The following PPFIA1 variants were observed in gnomAD, a reference collection of about 807,000 sequenced individuals.
PPFIA1 encodes liprin-alpha-1.
Under a neutral mutation model 149.9 loss-of-function variants are expected in PPFIA1, and 25 were observed. The observed-to-expected ratio is 0.17, with a 90% CI of 0.12 to 0.23. The LOEUF is 0.23. Ranked by LOEUF, PPFIA1 falls within the 10% of genes least tolerant of loss-of-function variation. The pLI, the probability that PPFIA1 is intolerant of heterozygous loss-of-function variation, is 1.00. For synonymous variants in PPFIA1, 549 were observed against 552.8 expected (o/e 0.99, Z 0.10); for missense variants, 1,362 against 1,506.5 (o/e 0.90, Z 1.59).
chr11:70,333,357 A>G lies in PPFIA1; in HGVS notation c.1213-113A>G, dbSNP rs866389574. 28 of 787,294 alleles carry G rather than the reference A, an allele frequency of 3.6e-5. 1 individual carries two copies. The Middle Eastern group carries it at 4.1e-3, about 114-fold the overall frequency. 48.8% of individuals were successfully genotyped at this position (787,294 alleles called of 1,614,324 possible). On this transcript the variant is annotated intron_variant, in intron 9 of 27. Coordinates refer to ENST00000253925, the MANE Select transcript of PPFIA1 (RefSeq NM_003626.5). ...GATGAGTACATGCTTTCCATTTAGT[A>G]TGGCGGAGCAGCCCACGCAGAGCAT...
intron 2 of PPFIA1, among the ~76,000 whole-genome samples, chr11:70,313,704 G>A (rs544291915): frequency 6.6e-6 from 1 of 152,282 alleles, no homozygotes; most frequent in South Asian, 2.1e-4. Flanking sequence ...TGGGAGCTTG[G>A]GCAGGAAGAT....
intron 9 of PPFIA1, 73 bp from the exon 10 acceptor site, chr11:70,333,397 C>T: frequency 8.4e-7 from 1 of 1,187,482 alleles, no homozygotes; most frequent in Non-Finnish European, 1.2e-6. Context: ...TGCCTGTTGC[C>T]ACTGCAGTGG....
chr11:70,323,740 C>T (rs1182903026), intron 2 of PPFIA1, among the ~76,000 whole-genome samples: 1 of 152,204 alleles, frequency 6.6e-6, no homozygotes, highest in Non-Finnish European at 1.5e-5. Flanking sequence ...TGGGAGCAAG[C>T]AGGTCAGTGG....
chr11:70,378,399 C>A, intron 26 of PPFIA1: 1 of 1,288,186 alleles, frequency 7.8e-7, no homozygotes, highest in Middle Eastern at 3.0e-4. Flanking sequence ...TTTTAAAACA[C>A]GCTTGTCTGG....
Position 70,272,228 on chromosome 11 carries a change from G to A in PPFIA1, c.56G>A (p.Gly19Asp), listed in dbSNP as rs778985978. The stretch of plus-strand genomic sequence containing the variant: ...GAAGCAGAAGGCCCCCCTGGAGGAG[G>A]TGGAGGCCATGGTTCCGGCTCCCCT... Reference protein sequence around the residue: ...ISEAEGPPGGGGGHGSGSPSQ... With the variant: ...ISEAEGPPGGDGGHGSGSPSQ... The change falls in exon 2 of 28, where the codon GGT (glycine) becomes GAT (aspartate). Residue 19 changes from glycine (G) to aspartate (D), a missense_variant. Physicochemically the swap from Gly to Asp is moderately conservative, Grantham distance 94. This residue lies in a region of PPFIA1 where 100 missense variants were observed against 106.2 expected (regional missense o/e 0.94). Transcript: ENST00000253925. The A allele has an allele frequency of 2.5e-6, 4 of 1,613,956 alleles. No individual in the cohort carries two copies. In the African/African-American group the frequency reaches 5.3e-5, roughly 22 times the overall value.
chr11:70,356,313 A>G (rs2056360051), intron 19 of PPFIA1, 59 bp downstream of exon 19: 9 of 1,307,888 alleles, frequency 6.9e-6, no homozygotes, highest in Non-Finnish European at 9.9e-6. Flanking sequence ...CCTAAGCTCT[A>G]ACTAGTGTTT....
At chr11:70,327,017 C>T in intron 7 of PPFIA1, 199 bp downstream of exon 7, 1 of 560,726 alleles carries the variant, frequency 1.8e-6, no homozygotes, top group Non-Finnish European at 3.1e-6. Flanking sequence ...GTGAAATCTC[C>T]TGTCCCTGAG....
chr11:70,301,617 C>T (rs1327977245), intron 2 of PPFIA1, among the ~76,000 whole-genome samples: 1 of 152,144 alleles, frequency 6.6e-6, no homozygotes. Flanking sequence ...TAGCATATAG[C>T]ACCTTAGAAA....
At chr11:70,333,299 C>G (rs933060005) in intron 9 of PPFIA1, among the ~76,000 whole-genome samples, 171 bp from the exon 10 acceptor site, 6 of 152,176 alleles carry the variant, frequency 3.9e-5, no homozygotes, top group Non-Finnish European at 8.8e-5. Context: ...ACCTCATGGC[C>G]CAGCACGTGA....
chr11:70,278,664 G>C (rs775131899), intron 2 of PPFIA1, among the ~76,000 whole-genome samples: 25 of 152,190 alleles, frequency 1.6e-4, no homozygotes, highest in Non-Finnish European at 5.9e-5. Flanking sequence ...TTTGAAAACA[G>C]TCAACTCAAT....
intron 10 of PPFIA1, 50 bp from the exon 11 acceptor site, chr11:70,335,513 T>C: frequency 6.3e-7 from 1 of 1,597,530 alleles, no homozygotes; most frequent in South Asian, 1.1e-5. Context: ...TTTAAAATAA[T>C]GATCGAGGAT....
At chr11:70,365,892 C>G (rs1460919754) in intron 21 of PPFIA1, 2 of 454,680 alleles carry the variant, frequency 4.4e-6, no homozygotes, top group African/African-American at 4.0e-5. Context: ...ACCGAGCTCA[C>G]CAATACTAAT....
Position 70,384,191 on chromosome 11 carries a change from G to GA in PPFIA1, c.*1202dup, listed in dbSNP as rs2057802366. Reference sequence around the variant, plus strand: ...TGGTATTTATTGTGCAGCAGATCCAGAGACAGAGGCAGCCTGTCTTTTCAG... The same window carrying GA: ...TGGTATTTATTGTGCAGCAGATCCAGAAGACAGAGGCAGCCTGTCTTTTCAG... On this transcript the variant is annotated 3_prime_UTR_variant, in exon 28 of 28. Transcript: ENST00000253925. 6.6e-6 allele frequency: 1 copy of GA among 152,262 alleles called. No homozygotes were observed. Among genetic ancestry groups the GA allele is most frequent in the South Asian group, 2.1e-4 (1 of 4,832 alleles). The allele number at this position is 152,262 out of a possible 1,614,324, so 9.4% of individuals were successfully genotyped here.
At chr11:70,330,106 CTT>C (rs1214302616) in intron 7 of PPFIA1, 65 bp from the exon 8 acceptor site, 22 of 1,409,484 alleles carry the variant, frequency 1.6e-5, no homozygotes, top group East Asian at 2.4e-5. Context: ...TTTTTTCTCT[CTT>C]AAGTATCTTA....
At chr11:70,316,545 G>A (rs1418063475) in intron 2 of PPFIA1, among the ~76,000 whole-genome samples, 1 of 152,216 alleles carries the variant, frequency 6.6e-6, no homozygotes, top group Non-Finnish European at 1.5e-5. Flanking sequence ...TAAAGAAAAC[G>A]GGAAGAGGAA....
intron 19 of PPFIA1, among the ~76,000 whole-genome samples, chr11:70,356,705 T>A (rs1452748085): frequency 6.6e-6 from 1 of 152,240 alleles, no homozygotes; most frequent in Non-Finnish European, 1.5e-5. Flanking sequence ...CAGCAAGTCA[T>A]AAACAAGTTG....
chr11:70,318,920 C>A (rs571369431), intron 2 of PPFIA1, among the ~76,000 whole-genome samples: 2 of 152,310 alleles, frequency 1.3e-5, no homozygotes, highest in Non-Finnish European at 2.9e-5. Context: ...GGGGCTTGAT[C>A]CCCATCTCTT....
chr11:70,325,727 T>C (rs1168289860), intron 5 of PPFIA1, among the ~76,000 whole-genome samples, 153 bp downstream of exon 5: 5 of 151,620 alleles, frequency 3.3e-5, no homozygotes, highest in Admixed American at 2.6e-4. Flanking sequence ...AGGTCAGGAG[T>C]TCCAAGACCA....
intron 2 of PPFIA1, among the ~76,000 whole-genome samples, chr11:70,300,535 ATTT>A (rs199605338): frequency 7.6e-6 from 1 of 131,302 alleles, no homozygotes; most frequent in Non-Finnish European, 1.6e-5. Context: ...TGCCCACCTA[ATTT>A]TTTTTTTTTT....
Sources: allele counts gnomAD v4.1 joint callset (sites outside exome capture counted in the v4.1 genomes callset), GRCh38; gene constraint gnomAD v4.1.1; regional missense constraint gnomAD v4.1.1; transcripts MANE v1.5; gene names NCBI Gene and HGNC (gene_info 2026-07-23, HGNC 2026-07-21).